Variants in UBE2E1 observed in about 807,000 individuals in gnomAD.
UBE2E1 encodes the protein ubiquitin-conjugating enzyme E2 E1.
UBE2E1 carries 6 observed loss-of-function variants against 21.4 expected under a neutral mutation model. The ratio of observed to expected loss-of-function variants is 0.28; its 90% CI spans 0.15 to 0.55. UBE2E1 has a LOEUF of 0.55. UBE2E1 is among the 20% of genes least tolerant of loss of function. The pLI is 0.93. For missense variants in UBE2E1, 142 were observed against 236.5 expected, an observed-to-expected ratio of 0.60 and a Z score of 2.62; for synonymous variants, 87 against 82.7, an observed-to-expected ratio of 1.05 and a Z score of -0.28.
chr3:23,840,650 G>T (rs1417245640), intron 3 of UBE2E1, among the ~76,000 whole-genome samples: 1 of 152,158 alleles, frequency 6.6e-6, no homozygotes, highest in Non-Finnish European at 1.5e-5. Flanking sequence ...TCAGCCCTGT[G>T]CGAGCTCTGG....
chr3:23,885,975 T>C (rs562576215), intron 3 of UBE2E1, among the ~76,000 whole-genome samples: 1 of 152,174 alleles, frequency 6.6e-6, no homozygotes, highest in African/African-American at 2.4e-5. Context: ...GGTAGGAGGA[T>C]TGCTTGAGCC....
At chr3:23,829,360 A>G (rs1287912103) in intron 3 of UBE2E1, among the ~76,000 whole-genome samples, 1 of 148,964 alleles carries the variant, frequency 6.7e-6, no homozygotes, top group Non-Finnish European at 1.5e-5. Flanking sequence ...GGATCTCACT[A>G]TGTTGCCCAG....
At chr3:23,878,484 C>A (rs1296004929) in intron 3 of UBE2E1, among the ~76,000 whole-genome samples, 1 of 152,230 alleles carries the variant, frequency 6.6e-6, no homozygotes, top group East Asian at 1.9e-4. Context: ...TGGTCCCTGG[C>A]CCATTAGGAA....
At chr3:23,867,504 A>G (rs146728772) in intron 3 of UBE2E1, among the ~76,000 whole-genome samples, 41 of 152,326 alleles carry the variant, frequency 2.7e-4, no homozygotes, top group Admixed American at 2.4e-3. Context: ...GACTGTTTAG[A>G]TAAATTGACA....
Position 23,890,968 on chromosome 3 carries a change from A to T in UBE2E1, c.*362A>T, listed in dbSNP as rs1379332749. On this transcript the variant is annotated 3_prime_UTR_variant, in exon 6 of 6. Transcript: ENST00000306627. ...ATGTAAAGTCCCTCTAAGACTACAT[A>T]CTTTTTGTTTAAAACAAAATTGGAA... 6.2e-6 allele frequency: 1 copy of T among 160,064 alleles called. No homozygotes were observed. Among genetic ancestry groups the T allele is most frequent in the African/African-American group, 2.4e-5 (1 of 41,828 alleles). The allele number at this position is 160,064 out of a possible 1,614,324, so 9.9% of individuals were successfully genotyped here.
At chr3:23,859,181 C>G (rs1475667369) in intron 3 of UBE2E1, among the ~76,000 whole-genome samples, 1 of 152,200 alleles carries the variant, frequency 6.6e-6, no homozygotes, top group Non-Finnish European at 1.5e-5. Flanking sequence ...CTGCCTTTGC[C>G]TGAGGCCAGA....
At chr3:23,820,758 C>T (rs1021099498) in intron 3 of UBE2E1, among the ~76,000 whole-genome samples, 2 of 152,128 alleles carry the variant, frequency 1.3e-5, no homozygotes, top group Admixed American at 1.3e-4. Flanking sequence ...AGTAATACAA[C>T]GGAGTAGTCT....
intron 3 of UBE2E1, among the ~76,000 whole-genome samples, chr3:23,831,566 G>A (rs1037937477): frequency 7.3e-5 from 11 of 150,816 alleles, no homozygotes; most frequent in Middle Eastern, 3.4e-3. Flanking sequence ...GCCCAGGCTG[G>A]AGTGCAGTGG....
chr3:23,847,131 C>A (rs1700225112), intron 3 of UBE2E1, among the ~76,000 whole-genome samples: 1 of 152,108 alleles, frequency 6.6e-6, no homozygotes, highest in African/African-American at 2.4e-5. Context: ...TTTGGTTCAT[C>A]AGTAGGGCGA....
At chr3:23,828,405 A>G (rs1279574564) in intron 3 of UBE2E1, among the ~76,000 whole-genome samples, 1 of 152,228 alleles carries the variant, frequency 6.6e-6, no homozygotes, top group Non-Finnish European at 1.5e-5. Flanking sequence ...TTAATTTTTG[A>G]GAAGATACAC....
intron 5 of UBE2E1, chr3:23,889,884 G>C (rs913909578): frequency 2.7e-5 from 8 of 291,832 alleles, no homozygotes; most frequent in Non-Finnish European, 3.5e-5. Context: ...GGCAAAGCGA[G>C]ACCCTGTCTC....
chr3:23,844,238 T>G (rs1225055126), intron 3 of UBE2E1, among the ~76,000 whole-genome samples: 1 of 152,198 alleles, frequency 6.6e-6, no homozygotes, highest in Non-Finnish European at 1.5e-5. Flanking sequence ...TATCCTCATT[T>G]TCTACTTCTG....
rs1484999945 is a variant in UBE2E1 at position 23,863,840 on chromosome 3, C to CT, written c.204-23721dup. Among the ~76,000 whole-genome samples, 1 of 152,066 alleles carries CT rather than the reference C, an allele frequency of 6.6e-6. No individual in the cohort carries two copies. The highest frequency in any genetic ancestry group is 1.5e-5 in the Non-Finnish European group (1 of 67,990). On this transcript the variant is annotated intron_variant, in intron 3 of 5. Coordinates refer to ENST00000306627, the MANE Select transcript of UBE2E1 (RefSeq NM_003341.5). The surrounding 1 kb of genome is among the most constrained non-coding windows in gnomAD (Gnocchi z 4.3). ...CCACCGCGCCCAGCCTGAATTTTAT[C>CT]TTTTTTGAAGAAATCTCTCCCCAGA...
At chr3:23,825,529 A>G (rs893721275) in intron 3 of UBE2E1, among the ~76,000 whole-genome samples, 3 of 152,234 alleles carry the variant, frequency 2.0e-5, no homozygotes, top group African/African-American at 7.2e-5. Context: ...ACAAATGTAC[A>G]AAAGTAATTT....
At chr3:23,850,681 G>GTTTTTT (rs550418701) in intron 3 of UBE2E1, among the ~76,000 whole-genome samples, 1 of 104,320 alleles carries the variant, frequency 9.6e-6, no homozygotes. Flanking sequence ...ACACCTGATT[G>GTTTTTT]TTTTTTTTTT....
At chr3:23,807,093 G>C (rs76464485) in intron 1 of UBE2E1, 144 bp from the exon 2 acceptor site, 2 of 636,792 alleles carry the variant, frequency 3.1e-6, no homozygotes, top group Non-Finnish European at 5.2e-6. Context: ...AGCCTTAATG[G>C]GCCTGCAGAC....
chr3:23,847,030 G>A (rs559917384), intron 3 of UBE2E1, among the ~76,000 whole-genome samples: 17 of 152,150 alleles, frequency 1.1e-4, no homozygotes, highest in Middle Eastern at 3.4e-3. Context: ...TCACCAAAGA[G>A]GAATTCATTG....
rs974783723 is a variant in UBE2E1 at position 23,889,484 on chromosome 3, G to A, written c.484+225G>A. 4.3e-6 allele frequency: 6 copies of A among 1,379,464 alleles called. No individual in the cohort carries two copies. In the African/African-American group the frequency reaches 6.0e-5, roughly 14 times the overall value. The allele number at this position is 1,379,464 out of a possible 1,614,324, so 85.5% of individuals were successfully genotyped here. A position where few individuals can be genotyped will look rare whatever the true frequency, so the allele number is the denominator to read the frequency against. ...AACAAGGTATTTTAAACTGAAGACT[G>A]ACGTAAGTTTGCCTTGGGCTTTTAG... On this transcript the variant is annotated intron_variant, in intron 5 of 5. Coordinates refer to ENST00000306627, the MANE Select transcript of UBE2E1 (RefSeq NM_003341.5).
intron 3 of UBE2E1, among the ~76,000 whole-genome samples, chr3:23,855,417 T>G (rs1462144603): frequency 6.6e-6 from 1 of 152,208 alleles, no homozygotes; most frequent in Non-Finnish European, 1.5e-5. Flanking sequence ...TGTTGATTAT[T>G]GGAAAGCAAA....
Sources: allele counts gnomAD v4.1 joint callset (sites outside exome capture counted in the v4.1 genomes callset), GRCh38; gene constraint gnomAD v4.1.1; non-coding constraint Gnocchi (gnomAD v3.1); transcripts MANE v1.5; gene names NCBI Gene and HGNC (gene_info 2026-07-23, HGNC 2026-07-21).